Variants in MSH3 observed in about 807,000 individuals in gnomAD.
MSH3 encodes the protein DNA mismatch repair protein Msh3.
In MSH3, 106 loss-of-function variants were observed where a neutral mutation model predicts 123.3. The ratio of observed to expected loss-of-function variants is 0.86; its 90% CI spans 0.73 to 1.01. The LOEUF is 1.01. MSH3 is among the 50% of genes least tolerant of loss of function. The probability of loss-of-function intolerance (pLI) is 0.00; values close to 1 mark genes in which losing one functional copy is unlikely to be tolerated. For missense variants in MSH3, 1,459 were observed against 1,347.6 expected (o/e 1.08, Z -1.29); for synonymous variants, 515 against 481.4 (o/e 1.07, Z -0.91).
At chr5:80,867,346 G>A (rs943361544) in intron 22 of MSH3, among the ~76,000 whole-genome samples, 6 of 152,236 alleles carry the variant, frequency 3.9e-5, no homozygotes, top group Non-Finnish European at 7.3e-5. Flanking sequence ...TCCAAAGGAA[G>A]AAGAGACAAG....
chr5:80,762,620 AT>A (rs1010631698), intron 13 of MSH3, among the ~76,000 whole-genome samples: 118 of 144,942 alleles, frequency 8.1e-4, no homozygotes, highest in African/African-American at 2.0e-3. Context: ...CTTGACTGCC[AT>A]TTTTTTTTTC....
chr5:80,789,201 A>G (rs1744566260), intron 18 of MSH3, among the ~76,000 whole-genome samples: 1 of 152,126 alleles, frequency 6.6e-6, no homozygotes, highest in Non-Finnish European at 1.5e-5. Context: ...TAATGTCACA[A>G]ATACTTTCAT....
At chr5:80,774,535 A>G (rs1398208892) in intron 15 of MSH3, among the ~76,000 whole-genome samples, 1 of 152,224 alleles carries the variant, frequency 6.6e-6, no homozygotes, top group Non-Finnish European at 1.5e-5. Flanking sequence ...CACTATTCAC[A>G]ACAGCTAAGA....
At chr5:80,673,051 C>T (rs1749758477) in intron 6 of MSH3, among the ~76,000 whole-genome samples, 193 bp downstream of exon 6, 1 of 152,118 alleles carries the variant, frequency 6.6e-6, no homozygotes, top group South Asian at 2.1e-4. Context: ...CATCTTTTCA[C>T]ATGTCATAGT....
intron 22 of MSH3, among the ~76,000 whole-genome samples, chr5:80,867,274 C>G (rs930759594): frequency 6.6e-6 from 1 of 152,206 alleles, no homozygotes; most frequent in Admixed American, 6.5e-5. Flanking sequence ...TCCTGCCTGG[C>G]CAGCTTTATT....
At chr5:80,678,902 A>T in intron 7 of MSH3, 25 bp from the exon 8 acceptor site, 1 of 1,613,670 alleles carries the variant, frequency 6.2e-7, no homozygotes, top group East Asian at 2.2e-5. Context: ...TTTTTCTGTA[A>T]CATTATATTT....
chr5:80,807,240 G>C (rs951096210), intron 19 of MSH3, among the ~76,000 whole-genome samples: 1 of 145,912 alleles, frequency 6.9e-6, no homozygotes, highest in Non-Finnish European at 1.5e-5. Context: ...AACTTTAAGT[G>C]AAATGACATA....
chr5:80,704,980 A>G (rs1378446483), intron 8 of MSH3, among the ~76,000 whole-genome samples: 4 of 152,150 alleles, frequency 2.6e-5, no homozygotes, highest in Admixed American at 2.6e-4. Context: ...TATTTTTCTT[A>G]CTACCTGTGA....
At chr5:80,763,923 T>A (rs1744083294) in intron 13 of MSH3, among the ~76,000 whole-genome samples, 1 of 152,268 alleles carries the variant, frequency 6.6e-6, no homozygotes, top group Admixed American at 6.5e-5. Flanking sequence ...CTAACGGAAC[T>A]TATAACTCAC....
intron 8 of MSH3, among the ~76,000 whole-genome samples, chr5:80,701,422 C>A (rs1305025081): frequency 6.6e-6 from 1 of 152,208 alleles, no homozygotes; most frequent in African/African-American, 2.4e-5. Flanking sequence ...GCAAAGCCCA[C>A]TAGAGCCCTA....
At chr5:80,847,428 G>A (rs982580599) in intron 20 of MSH3, among the ~76,000 whole-genome samples, 2 of 149,016 alleles carry the variant, frequency 1.3e-5, no homozygotes, top group African/African-American at 5.0e-5. Context: ...AATTTTTTTA[G>A]TTTTAGAAAG....
intron 19 of MSH3, among the ~76,000 whole-genome samples, chr5:80,812,931 G>A (rs186304377): frequency 8.5e-5 from 13 of 152,190 alleles, no homozygotes; most frequent in Admixed American, 2.0e-4. Context: ...GGATGCCCTG[G>A]GCTAACTCCT....
chr5:80,678,991 A>C lies in MSH3; in HGVS notation c.1238A>C (p.Glu413Ala), dbSNP rs752223122. 5 of 1,614,132 alleles carry C rather than the reference A, an allele frequency of 3.1e-6. No homozygotes were observed. Among genetic ancestry groups the C allele is most frequent in the Non-Finnish European group, 4.2e-6 (5 of 1,180,020 alleles). Residue 413 changes from glutamate to alanine, a missense_variant, in exon 8 of 24, where the codon GAG becomes GCG. Coordinates refer to ENST00000265081, the MANE Select transcript of MSH3 (RefSeq NM_002439.5). ...TTCCAGGACTCTGCTTCTCGTTCAG[A>C]GCTAGAAACCCGGATGTCAAGCCTG... ...DSFQDSASRS[E>A]LETRMSSLQP...
rs2112884570 is a variant in MSH3, at chr5:80,768,114, C to T, written c.2078C>T (p.Ala693Val). The T allele has an allele frequency of 6.2e-7, 1 of 1,613,398 alleles. No individual in the cohort carries two copies. The highest frequency in any genetic ancestry group is 8.5e-7 in the Non-Finnish European group (1 of 1,179,406). Residue 693 changes from alanine to valine, a missense_variant, in exon 14 of 24, where the codon GCT (alanine) becomes GTT (valine). By Grantham distance (64) the Ala-to-Val change is moderately conservative. Transcript: ENST00000265081. ...TACTTAAAGATACTCAATGAACAAG[C>T]TGCCAAGTAAGTACCAGACCCTGAA... ...EHYLKILNEQ[A>V]AKVGDKTELF...
intron 12 of MSH3, among the ~76,000 whole-genome samples, chr5:80,746,998 G>A (rs1743733222): frequency 6.6e-6 from 1 of 152,162 alleles, no homozygotes; most frequent in Non-Finnish European, 1.5e-5. Flanking sequence ...AAGACCTTAA[G>A]ACATGGGAAA....
intron 17 of MSH3, 144 bp downstream of exon 17, chr5:80,778,980 CTT>C (rs1366541253): frequency 0.011 from 4,418 of 384,386 alleles, no homozygotes; most frequent in East Asian, 0.017. Context: ...GATTTTATTT[CTT>C]TTTTTTTTTT....
intron 10 of MSH3, among the ~76,000 whole-genome samples, chr5:80,734,133 G>T (rs1374938488): frequency 1.3e-5 from 2 of 152,158 alleles, no homozygotes; most frequent in Admixed American, 1.3e-4. Context: ...AAGGAATGAA[G>T]TACAGATACA....
At chr5:80,825,117 A>G (rs1745271006) in intron 20 of MSH3, among the ~76,000 whole-genome samples, 1 of 152,202 alleles carries the variant, frequency 6.6e-6, no homozygotes, top group African/African-American at 2.4e-5. Context: ...GAAATAATTC[A>G]GACGTATAAT....
At position 80,741,544 on chromosome 5, in the gene MSH3, A is replaced by T. The variant is rs1315479085; in HGVS notation, c.1649A>T (p.Asn550Ile). 1 of 1,607,514 alleles carries T rather than the reference A, an allele frequency of 6.2e-7. No individual in the cohort carries two copies. The highest frequency in any genetic ancestry group is 2.2e-5 in the East Asian group (1 of 44,790). ...TTAAGGAATCTGGAAATCCTACAGA[A>T]TCAGGTCAGGCAAATACAAGGGCTA... ...TTLRNLEILQ[N>I]QTDMKTKGSL... Residue 550 changes from asparagine to isoleucine, a missense_variant, in exon 11 of 24, where the codon AAT becomes ATT. Physicochemically the swap from Asn to Ile is moderately radical, Grantham distance 149 (BLOSUM62 -3). Coordinates refer to ENST00000265081, the MANE Select transcript of MSH3 (RefSeq NM_002439.5).
Sources: gnomAD v4.1 joint callset for allele counts (sites outside exome capture counted in the v4.1 genomes callset) on GRCh38, gnomAD v4.1.1 for gene constraint, MANE v1.5 for transcripts, NCBI Gene and HGNC (gene_info 2026-07-23, HGNC 2026-07-21) for gene names.